POTEE: variants seen among roughly 807,000 people sequenced by gnomAD.
POTEE encodes the protein POTE ankyrin domain family member E, also known as ANKRD26-like family C member 1A.
A neutral mutation model predicts 74.2 loss-of-function variants in POTEE; 21 were observed. That is an observed-to-expected ratio of 0.28 (90% confidence interval 0.20 to 0.41). The LOEUF is 0.41. Among genes scored for constraint, POTEE ranks in the 10% least tolerant of loss-of-function variants. The pLI is 1.00. For missense variants in POTEE, 525 were observed against 1,158.6 expected, an observed-to-expected ratio of 0.45 and a Z score of 7.94; for synonymous variants, 211 against 432.8, an observed-to-expected ratio of 0.49 and a Z score of 6.36.
chr2:131,210,396 C>T (rs1306395689), intron 1 of POTEE, among the ~76,000 whole-genome samples: 3 of 144,404 alleles, frequency 2.1e-5, no homozygotes, highest in South Asian at 2.3e-4. Context: ...GTGTGCTGTC[C>T]GGGGGCTACA....
At chr2:131,232,559 C>T (rs1219470362) in intron 9 of POTEE, among the ~76,000 whole-genome samples, 2 of 145,586 alleles carry the variant, frequency 1.4e-5, no homozygotes, top group Non-Finnish European at 3.0e-5. Context: ...GAGGTGAATA[C>T]TTAGCTAAGG....
chr2:131,221,244 A>C (rs2105071462), intron 4 of POTEE, among the ~76,000 whole-genome samples: 1 of 152,232 alleles, frequency 6.6e-6, no homozygotes, highest in Non-Finnish European at 1.5e-5. Context: ...TTTCATGGAC[A>C]AATTTCAGTG....
intron 2 of POTEE, among the ~76,000 whole-genome samples, chr2:131,215,954 A>T (rs1011702826): frequency 1.3e-5 from 2 of 150,552 alleles, no homozygotes; most frequent in African/African-American, 4.9e-5. Context: ...TGTGTTTTAG[A>T]CTCCACAAAA....
At position 131,230,779 on chromosome 2, in the gene POTEE, G is replaced by C. The variant is rs1452878936; in HGVS notation, c.1056-57G>C. ...CTCTTAATAATTCTACATTTGGTAAGTTTTTTTTATATCAGTATTAAAATA... is the reference window on the plus strand; with the variant it reads ...CTCTTAATAATTCTACATTTGGTAACTTTTTTTTATATCAGTATTAAAATA... On this transcript the variant is annotated intron_variant, in intron 8 of 17. Transcript: ENST00000683005. 5.5e-5 allele frequency: 87 copies of C among 1,567,952 alleles called. 2 individuals carry two copies. The highest frequency in any genetic ancestry group is 7.2e-5 in the Non-Finnish European group (83 of 1,157,334).
chr2:131,219,585 A>C (rs1412464373), intron 4 of POTEE, among the ~76,000 whole-genome samples: 7 of 152,132 alleles, frequency 4.6e-5, no homozygotes, highest in Non-Finnish European at 7.3e-5. Flanking sequence ...AATATAAAAA[A>C]AATTAGCTGG....
intron 16 of POTEE, among the ~76,000 whole-genome samples, chr2:131,256,987 C>A (rs1306965280): frequency 1.3e-5 from 2 of 151,716 alleles, no homozygotes; most frequent in Non-Finnish European, 3.0e-5. Context: ...GTCTTGACAT[C>A]AACTCTGTTA....
At chr2:131,247,984 T>TG (rs1288528896) in intron 13 of POTEE, among the ~76,000 whole-genome samples, 1 of 84,550 alleles carries the variant, frequency 1.2e-5, no homozygotes, top group African/African-American at 4.5e-5. Flanking sequence ...TATAGTTTCC[T>TG]GGGATTGATG....
At chr2:131,222,623 AT>A (rs754701611) in intron 4 of POTEE, among the ~76,000 whole-genome samples, 3 of 152,188 alleles carry the variant, frequency 2.0e-5, no homozygotes, top group Non-Finnish European at 4.4e-5. Context: ...AAAGGAGAAA[AT>A]TTATAACAGT....
Position 131,263,421 on chromosome 2 carries a change from GCCATGC to G in POTEE, c.1967_1972del (p.Ala656_Leu658delinsVal), listed in dbSNP as rs1701779815. On this transcript the variant is annotated inframe_deletion, in exon 18 of 18. Coordinates refer to ENST00000683005, the MANE Select transcript of POTEE (RefSeq NM_001083538.3). ...AAATAGTACGTTGCGGGAAGAAATT[GCCATGC>G]TAAGACTGGAGCTAGACACAATGAA... The G allele has an allele frequency of 6.2e-7, 1 of 1,608,764 alleles. No individual in the cohort carries two copies. The highest frequency in any genetic ancestry group is 8.5e-7 in the Non-Finnish European group (1 of 1,179,758).
intron 4 of POTEE, among the ~76,000 whole-genome samples, chr2:131,222,275 G>A (rs1700643773): frequency 2.6e-5 from 4 of 152,238 alleles, no homozygotes; most frequent in South Asian, 2.1e-4. Flanking sequence ...GGATGGTGTT[G>A]AAAGCCATTA....
At chr2:131,218,201 G>A (rs1156844334) in intron 3 of POTEE, 109 bp from the exon 4 acceptor site, 2 of 951,256 alleles carry the variant, frequency 2.1e-6, no homozygotes, top group Non-Finnish European at 3.1e-6. Context: ...GGGGGGGCGT[G>A]GGCTTTCCTC....
intron 12 of POTEE, among the ~76,000 whole-genome samples, chr2:131,243,419 TTG>T (rs1420256103): frequency 2.1e-5 from 3 of 146,292 alleles, no homozygotes; most frequent in African/African-American, 7.4e-5. Context: ...TCTGTTGTTA[TTG>T]TGTGTTTTTC....
intron 2 of POTEE, among the ~76,000 whole-genome samples, chr2:131,212,791 C>T (rs1173207547): frequency 2.7e-5 from 4 of 149,102 alleles, no homozygotes; most frequent in East Asian, 4.0e-4. Context: ...CTTGAACTCC[C>T]GACTTCAAGT....
At chr2:131,226,530 C>T (rs1700784894) in intron 6 of POTEE, among the ~76,000 whole-genome samples, 1 of 143,078 alleles carries the variant, frequency 7.0e-6, no homozygotes, top group African/African-American at 2.7e-5. Flanking sequence ...AAAATATTAT[C>T]ATCCAATAAC....
chr2:131,225,888 T>C (rs189268474), intron 6 of POTEE, among the ~76,000 whole-genome samples: 58 of 152,284 alleles, frequency 3.8e-4, no homozygotes, highest in African/African-American at 1.3e-3. Context: ...ATGTATCAGC[T>C]TACAGAATAA....
chr2:131,225,434 C>T (rs1195212119), intron 6 of POTEE, among the ~76,000 whole-genome samples: 1 of 150,294 alleles, frequency 6.7e-6, no homozygotes, highest in East Asian at 1.9e-4. Context: ...TGGATACACT[C>T]CTGCTTAAGA....
chr2:131,229,824 A>G (rs1399230237), intron 8 of POTEE: 2 of 152,194 alleles, frequency 1.3e-5, no homozygotes, highest in Admixed American at 1.3e-4. Flanking sequence ...TTGTGCTGCA[A>G]AAATAGTCAT....
At chr2:131,248,198 A>AT (rs1301180501) in intron 13 of POTEE, among the ~76,000 whole-genome samples, 3 of 82,754 alleles carry the variant, frequency 3.6e-5, no homozygotes, top group South Asian at 3.9e-4. Context: ...GTTTTGCTTA[A>AT]TTTTTTTTCC....
chr2:131,217,793 C>T (rs1573695169), intron 3 of POTEE, among the ~76,000 whole-genome samples, 110 bp downstream of exon 3: 1 of 145,244 alleles, frequency 6.9e-6, no homozygotes, highest in Non-Finnish European at 1.5e-5. Flanking sequence ...CACGCGCACG[C>T]CCGGCAGCAG....
Sources: gnomAD v4.1 joint callset for allele counts (sites outside exome capture counted in the v4.1 genomes callset) on GRCh38, gnomAD v4.1.1 for gene constraint, MANE v1.5 for transcripts, NCBI Gene and HGNC (gene_info 2026-07-23, HGNC 2026-07-21) for gene names.